The following CADPS2 variants were observed in gnomAD, a reference collection of about 807,000 sequenced individuals.
The protein encoded by CADPS2 is calcium dependent secretion activator 2.
A neutral mutation model predicts 172.5 loss-of-function variants in CADPS2; 93 were observed. That is an observed-to-expected ratio of 0.54 (90% CI 0.46 to 0.64). The LOEUF (loss-of-function observed/expected upper bound fraction) is 0.64, where lower values mean the gene tolerates loss of function less well. Ranked by LOEUF, CADPS2 falls within the 30% of genes least tolerant of loss-of-function variation. The pLI, the probability that CADPS2 is intolerant of heterozygous loss-of-function variation, is 0.00. For missense variants in CADPS2, 1,420 were observed against 1,565.9 expected (o/e 0.91, Z 1.57); for synonymous variants, 546 against 555.2 (o/e 0.98, Z 0.23).
chr7:122,382,003 G>A (rs2043069910), intron 24 of CADPS2, among the ~76,000 whole-genome samples: 2 of 152,110 alleles, frequency 1.3e-5, no homozygotes, highest in African/African-American at 2.4e-5. Flanking sequence ...TGCAGTTGGT[G>A]GAGGTCGTAT....
chr7:122,415,262 T>C (rs1335767463), intron 18 of CADPS2, among the ~76,000 whole-genome samples: 1 of 152,172 alleles, frequency 6.6e-6, no homozygotes, highest in Admixed American at 6.5e-5. Context: ...TTTTGTTTTA[T>C]AGTATGTCAC....
At chr7:122,471,610 T>C (rs1006370808) in intron 13 of CADPS2, 48 bp from the exon 14 acceptor site, 7 of 1,471,966 alleles carry the variant, frequency 4.8e-6, no homozygotes, top group Non-Finnish European at 5.5e-6. Context: ...CTTTCTATAC[T>C]ACGATTTGCT....
At chr7:122,410,944 C>T (rs1166351676) in intron 19 of CADPS2, among the ~76,000 whole-genome samples, 1 of 152,132 alleles carries the variant, frequency 6.6e-6, no homozygotes, top group African/African-American at 2.4e-5. Context: ...GGTTAGCAAA[C>T]AGAGATTAAA....
chr7:122,583,045 T>G (rs1189301784), intron 6 of CADPS2, among the ~76,000 whole-genome samples: 1 of 151,924 alleles, frequency 6.6e-6, no homozygotes, highest in Admixed American at 6.6e-5. Context: ...CAATTCCACT[T>G]TGCTGGATAG....
chr7:122,838,842 G>A (rs1378267928), intron 1 of CADPS2, among the ~76,000 whole-genome samples: 3 of 152,122 alleles, frequency 2.0e-5, no homozygotes, highest in Non-Finnish European at 2.9e-5. Context: ...TCGTGAAAAC[G>A]GTCATACTGC....
At chr7:122,809,674 C>G (rs537088176) in intron 1 of CADPS2, among the ~76,000 whole-genome samples, 2 of 151,880 alleles carry the variant, frequency 1.3e-5, no homozygotes, top group Non-Finnish European at 2.9e-5. Flanking sequence ...TATAATGGTC[C>G]AAGGAAAGAC....
At chr7:122,593,024 T>C (rs1248318687) in intron 6 of CADPS2, among the ~76,000 whole-genome samples, 1 of 141,944 alleles carries the variant, frequency 7.0e-6, no homozygotes, top group Non-Finnish European at 1.5e-5. Flanking sequence ...ATAAATGTAT[T>C]TGAAATTCCA....
rs1013012516 is a variant in CADPS2, at chr7:122,319,618, A to C, written c.*547T>G. 4 of 152,238 alleles carry C rather than the reference A, an allele frequency of 2.6e-5. No homozygotes were observed. Among genetic ancestry groups the C allele is most frequent in the African/African-American group, 9.7e-5 (4 of 41,442 alleles). 9.4% of individuals were successfully genotyped at this position (152,238 alleles called of 1,614,324 possible). On this transcript the variant is annotated 3_prime_UTR_variant, in exon 30 of 30. Coordinates refer to ENST00000449022, the MANE Select transcript of CADPS2 (RefSeq NM_017954.11). ...CAGGAATATACCTGTAGACCAATTC[A>C]AAGTACTAAGAACCAAGATTAAAGA...
At chr7:122,451,584 T>A (rs1428158468) in intron 14 of CADPS2, 109 bp from the exon 15 acceptor site, 1 of 551,630 alleles carries the variant, frequency 1.8e-6, no homozygotes, top group African/African-American at 2.0e-5. Flanking sequence ...TGTATACATA[T>A]TAATTGTGTT....
At chr7:122,325,027 G>C (rs2033523881) in intron 29 of CADPS2, among the ~76,000 whole-genome samples, 2 of 151,922 alleles carry the variant, frequency 1.3e-5, no homozygotes, top group Non-Finnish European at 2.9e-5. Context: ...AAAGGATTTG[G>C]GCAATGACAA....
At chr7:122,591,763 C>T (rs1165964876) in intron 6 of CADPS2, among the ~76,000 whole-genome samples, 1 of 152,106 alleles carries the variant, frequency 6.6e-6, no homozygotes, top group Admixed American at 6.5e-5. Context: ...ATAAATGGTG[C>T]TGGGAAAACT....
chr7:122,605,888 A>G (rs1397164878), intron 6 of CADPS2, among the ~76,000 whole-genome samples: 1 of 152,144 alleles, frequency 6.6e-6, no homozygotes, highest in Non-Finnish European at 1.5e-5. Flanking sequence ...ATTTTAATCC[A>G]GGATTTTTTT....
chr7:122,830,118 G>A (rs6944532), intron 1 of CADPS2, among the ~76,000 whole-genome samples: 30,215 of 151,832 alleles, frequency 0.2, 3,129 homozygotes, highest in Middle Eastern at 0.3. Context: ...AAGGTGACAC[G>A]GCAAGTAACA....
chr7:122,361,617 T>C (rs2151142908), intron 25 of CADPS2, among the ~76,000 whole-genome samples: 1 of 152,314 alleles, frequency 6.6e-6, no homozygotes, highest in African/African-American at 2.4e-5. Context: ...AAGCCATTCA[T>C]AAACAATCTT....
intron 1 of CADPS2, among the ~76,000 whole-genome samples, chr7:122,738,264 C>A (rs973039747): frequency 2.0e-5 from 3 of 152,100 alleles, no homozygotes; most frequent in Non-Finnish European, 4.4e-5. Context: ...AAAATATTAA[C>A]AATTTCAAGA....
intron 1 of CADPS2, among the ~76,000 whole-genome samples, chr7:122,846,934 A>T (rs1270361398): frequency 1.3e-5 from 2 of 152,226 alleles, no homozygotes; most frequent in African/African-American, 4.8e-5. Context: ...CCTAGGCCTC[A>T]TACCAAACCT....
rs529082341 is a variant in CADPS2 at position 122,491,424 on chromosome 7, C to A, written c.1543-4G>T. The A allele has an allele frequency of 1.9e-6, 3 of 1,546,298 alleles. No individual in the cohort carries two copies. The highest frequency in any genetic ancestry group is 4.1e-5 in the Admixed American group (2 of 48,866). ...TAGCAAAGGTATATTGGCTAACCTGCTCGAGAAAAAAAAAGTTTACAGATT... is the reference window on the plus strand; with the variant it reads ...TAGCAAAGGTATATTGGCTAACCTGATCGAGAAAAAAAAAGTTTACAGATT... On this transcript the variant is annotated splice_region_variant and splice_polypyrimidine_tract_variant and intron_variant, in intron 9 of 29. Transcript: ENST00000449022.
intron 5 of CADPS2, among the ~76,000 whole-genome samples, chr7:122,618,558 T>G (rs77715333): frequency 0.013 from 2,016 of 151,814 alleles, 49 homozygotes; most frequent in African/African-American, 0.045. Flanking sequence ...TGAGGAGAGT[T>G]TTTCAAATCT....
intron 2 of CADPS2, among the ~76,000 whole-genome samples, chr7:122,677,049 G>C (rs2082447838): frequency 6.6e-6 from 1 of 152,078 alleles, no homozygotes; most frequent in South Asian, 2.1e-4. Flanking sequence ...CACCCCCATA[G>C]CTTAACCATT....
Sources: allele counts gnomAD v4.1 joint callset (sites outside exome capture counted in the v4.1 genomes callset), GRCh38; gene constraint gnomAD v4.1.1; transcripts MANE v1.5; gene names NCBI Gene and HGNC (gene_info 2026-07-23, HGNC 2026-07-21).